KDM4C: variants seen among roughly 807,000 people sequenced by gnomAD.
The protein encoded by KDM4C is lysine demethylase 4C, also known as lysine-specific demethylase 4C.
Under a neutral mutation model 129.3 loss-of-function variants are expected in KDM4C, and 81 were observed. The ratio of observed to expected loss-of-function variants is 0.63; its 90% CI spans 0.52 to 0.75. The LOEUF (loss-of-function observed/expected upper bound fraction) is 0.75. Ranked by LOEUF, KDM4C falls within the 30% of genes least tolerant of loss-of-function variation. KDM4C has a pLI of 0.00. For synonymous variants in KDM4C, 573 were observed against 456.1 expected, an observed-to-expected ratio of 1.26 and a Z score of -3.26; for missense variants, 1,457 against 1,304.0, an observed-to-expected ratio of 1.12 and a Z score of -1.81.
At chr9:6,868,926 A>C (rs1274424945) in intron 5 of KDM4C, among the ~76,000 whole-genome samples, 1 of 152,214 alleles carries the variant, frequency 6.6e-6, no homozygotes, top group Non-Finnish European at 1.5e-5. Flanking sequence ...TTTTCTACTT[A>C]GAAAATATTC....
chr9:6,832,081 G>C (rs780884289), intron 4 of KDM4C, among the ~76,000 whole-genome samples: 1 of 152,126 alleles, frequency 6.6e-6, no homozygotes, highest in African/African-American at 2.4e-5. Context: ...GGTCATGCCT[G>C]TAATCCCAGC....
chr9:7,026,105 C>T (rs1825770653), intron 15 of KDM4C, among the ~76,000 whole-genome samples: 1 of 151,736 alleles, frequency 6.6e-6, no homozygotes, highest in Non-Finnish European at 1.5e-5. Context: ...ACCTGTGAGG[C>T]TGAGGCAGGA....
intron 2 of KDM4C, among the ~76,000 whole-genome samples, chr9:6,804,555 C>A (rs189502197): frequency 6.6e-6 from 1 of 151,814 alleles, no homozygotes; most frequent in Non-Finnish European, 1.5e-5. Context: ...GTCAGGAGTT[C>A]AAGACCATCC....
intron 17 of KDM4C, among the ~76,000 whole-genome samples, chr9:7,050,532 A>G (rs1187933028): frequency 6.6e-6 from 1 of 152,020 alleles, no homozygotes; most frequent in African/African-American, 2.4e-5. Flanking sequence ...TTGAACTACC[A>G]CATGTTAAAT....
intron 8 of KDM4C, among the ~76,000 whole-genome samples, chr9:6,945,170 T>A (rs1000868683): frequency 6.6e-6 from 1 of 152,162 alleles, no homozygotes; most frequent in Non-Finnish European, 1.5e-5. Context: ...GCTCACATGC[T>A]CATAAAAATG....
chr9:6,756,199 C>T (rs934832196), upstream of KDM4C, among the ~76,000 whole-genome samples: 2 of 152,118 alleles, frequency 1.3e-5, no homozygotes, highest in African/African-American at 4.8e-5. Flanking sequence ...ACATCTGTAA[C>T]AATGAGGTAT....
intron 3 of KDM4C, among the ~76,000 whole-genome samples, chr9:6,810,871 C>T (rs768487476): frequency 6.6e-6 from 1 of 151,328 alleles, no homozygotes; most frequent in Non-Finnish European, 1.5e-5. Flanking sequence ...GACCCTGTCT[C>T]CAAAAAAATA....
At chr9:6,764,314 A>C (rs1820187616) in intron 1 of KDM4C, among the ~76,000 whole-genome samples, 1 of 152,210 alleles carries the variant, frequency 6.6e-6, no homozygotes, top group African/African-American at 2.4e-5. Flanking sequence ...GGGTATGAGC[A>C]CTTAAGTGCT....
At chr9:7,161,904 C>T (rs766098978) in intron 19 of KDM4C, among the ~76,000 whole-genome samples, 1 of 152,180 alleles carries the variant, frequency 6.6e-6, no homozygotes. Context: ...TGCTGGCAAA[C>T]TCAAAATGTG....
chr9:6,889,336 CAT>C, intron 7 of KDM4C, among the ~76,000 whole-genome samples: 1 of 151,980 alleles, frequency 6.6e-6, no homozygotes, highest in Admixed American at 6.6e-5. Context: ...CCTGCTCCCT[CAT>C]AAACTGTCTA....
rs774758888 is a variant in KDM4C at position 6,818,026 on chromosome 9, A to G, written c.435+3281A>G. On this transcript the variant is annotated intron_variant, in intron 4 of 21. Coordinates refer to ENST00000381309, the MANE Select transcript of KDM4C (RefSeq NM_015061.6). ...GTGATCTGCCTACCTCAGCCTTCCA[A>G]AGTGCTGGGATTACAGGTGTGAGCC... Among the ~76,000 whole-genome samples the G allele has an allele frequency of 7.2e-5, 11 of 152,010 alleles. No homozygotes were observed. In the East Asian group the frequency reaches 2.1e-3, roughly 29 times the overall value.
chr9:7,005,127 A>G (rs1821424705), intron 12 of KDM4C, among the ~76,000 whole-genome samples: 1 of 152,120 alleles, frequency 6.6e-6, no homozygotes, highest in Non-Finnish European at 1.5e-5. Flanking sequence ...TGGTAGAACA[A>G]AGGTTAGCAT....
At chr9:6,905,871 T>C (rs558141566) in intron 8 of KDM4C, among the ~76,000 whole-genome samples, 1 of 152,328 alleles carries the variant, frequency 6.6e-6, no homozygotes, top group Admixed American at 6.5e-5. Flanking sequence ...CCTATTACCC[T>C]TTATTTTATG....
At chr9:6,732,153 T>C (rs1402237787) in intron 1 of KDM4C, among the ~76,000 whole-genome samples, 2 of 150,338 alleles carry the variant, frequency 1.3e-5, no homozygotes, top group Non-Finnish European at 3.0e-5. Flanking sequence ...GATCACGAGG[T>C]CAGGAGATTG....
intron 17 of KDM4C, among the ~76,000 whole-genome samples, chr9:7,073,620 T>C (rs1833513644): frequency 6.6e-6 from 1 of 152,260 alleles, no homozygotes; most frequent in Non-Finnish European, 1.5e-5. Context: ...TTGTTTGTTT[T>C]ACTTTTCATT....
chr9:6,986,281 A>G, intron 10 of KDM4C, 63 bp from the exon 11 acceptor site: 1 of 1,134,824 alleles, frequency 8.8e-7, no homozygotes, highest in Non-Finnish European at 1.3e-6. Context: ...GGAATAGTTT[A>G]CCAATTCTAC....
chr9:7,124,913 C>A (rs1587760528), intron 18 of KDM4C, among the ~76,000 whole-genome samples: 2 of 152,240 alleles, frequency 1.3e-5, no homozygotes, highest in East Asian at 3.9e-4. Context: ...TCCCCTTTGT[C>A]CAAATCATGA....
chr9:7,164,070 C>T (rs1844099623), intron 19 of KDM4C, among the ~76,000 whole-genome samples: 3 of 152,104 alleles, frequency 2.0e-5, no homozygotes, highest in Admixed American at 6.5e-5. Context: ...CCTGTGTATG[C>T]CTCTCATTTA....
intron 4 of KDM4C, chr9:6,835,609 T>C: frequency 1.2e-6 from 1 of 865,448 alleles, no homozygotes; most frequent in Non-Finnish European, 2.0e-6. Context: ...TTACACCCTT[T>C]CTTGACAAAA....
Sources: gnomAD v4.1 joint callset for allele counts (sites outside exome capture counted in the v4.1 genomes callset) on GRCh38, gnomAD v4.1.1 for gene constraint, MANE v1.5 for transcripts, NCBI Gene and HGNC (gene_info 2026-07-23, HGNC 2026-07-21) for gene names.